Variants in THSD7A observed in about 807,000 individuals in gnomAD.
THSD7A encodes thrombospondin type-1 domain-containing protein 7A.
In THSD7A, 96 loss-of-function variants were observed where a neutral mutation model predicts 231.3. The ratio of observed to expected loss-of-function variants is 0.41; its 90% CI spans 0.35 to 0.49. The LOEUF (loss-of-function observed/expected upper bound fraction) is 0.49, where lower values mean the gene tolerates loss of function less well. Among genes scored for constraint, THSD7A ranks in the 20% least tolerant of loss-of-function variants. The pLI, the probability that THSD7A is intolerant of heterozygous loss-of-function variation, is 0.05. For missense variants in THSD7A, 2,290 were observed against 2,070.2 expected, an observed-to-expected ratio of 1.11 and a Z score of -2.06; for synonymous variants, 940 against 743.3, an observed-to-expected ratio of 1.26 and a Z score of -4.30.
At position 11,831,012 on chromosome 7, in the gene THSD7A, A is replaced by T. The variant is rs941638643; in HGVS notation, c.190+745T>A. Among the ~76,000 whole-genome samples, 29 of 151,992 alleles carry T rather than the reference A, an allele frequency of 1.9e-4. No individual in the cohort carries two copies. Among genetic ancestry groups the T allele is most frequent in the African/African-American group, 6.8e-4 (28 of 41,352 alleles). On this transcript the variant is annotated intron_variant, in intron 1 of 27. Coordinates refer to ENST00000423059, the MANE Select transcript of THSD7A (RefSeq NM_015204.3). This position sits in a 1 kb window ranked among gnomAD's most constrained non-coding sequence, Gnocchi z 5.0. ...GCAGAAAAGGGGTTGGTAATTCCTC[A>T]CTCCGTATTGTTTTCCTGCCTGTCA...
chr7:11,760,700 G>C (rs1391837327), intron 1 of THSD7A, among the ~76,000 whole-genome samples: 4 of 151,800 alleles, frequency 2.6e-5, no homozygotes, highest in African/African-American at 9.7e-5. Flanking sequence ...TTGTACCAGA[G>C]GCTTTAGCAC....
In THSD7A at chr7:11,652,103, G is replaced by A. The variant is rs191209617; in HGVS notation, c.191-15142C>T. ...TAACAAATGTGTCCATGGCTGTTAC[G>A]TTTCCTTTTTTATCAAAATTATTTA... is the stretch of plus-strand genomic sequence containing the variant. On this transcript the variant is annotated intron_variant, in intron 1 of 27. Coordinates refer to ENST00000423059, the MANE Select transcript of THSD7A (RefSeq NM_015204.3). Among the ~76,000 whole-genome samples the A allele has an allele frequency of 2.8e-3, 429 of 151,764 alleles. 6 individuals carry two copies. The highest frequency in any genetic ancestry group is 1.6e-3 in the East Asian group (8 of 5,128).
At chr7:11,653,453 T>TGG (rs923190537) in intron 1 of THSD7A, among the ~76,000 whole-genome samples, 1 of 93,740 alleles carries the variant, frequency 1.1e-5, no homozygotes, top group African/African-American at 4.9e-5. Flanking sequence ...CAGATATGTG[T>TGG]GTGTGTGTGT....
At chr7:11,603,214 G>A (rs1034562680) in intron 2 of THSD7A, among the ~76,000 whole-genome samples, 25 of 151,802 alleles carry the variant, frequency 1.6e-4, no homozygotes, top group South Asian at 4.2e-4. Context: ...AAAAGTGGGC[G>A]AAGGACATGA....
intron 1 of THSD7A, among the ~76,000 whole-genome samples, chr7:11,689,485 C>T (rs1780165179): frequency 6.6e-6 from 1 of 151,710 alleles, no homozygotes; most frequent in Non-Finnish European, 1.5e-5. Flanking sequence ...AAGAAAGAGT[C>T]CATACTCCTC....
At chr7:11,754,502 A>G (rs1782612606) in intron 1 of THSD7A, among the ~76,000 whole-genome samples, 1 of 152,066 alleles carries the variant, frequency 6.6e-6, no homozygotes, top group South Asian at 2.1e-4. Flanking sequence ...CTACCTGACC[A>G]CTTTTAGCAT....
rs146631743 is a variant in THSD7A at position 11,460,852 on chromosome 7, G to C, written c.2502-87C>G. 4.3e-3 allele frequency: 4,371 copies of C among 1,017,970 alleles called. 14 individuals carry two copies. Among genetic ancestry groups the C allele is most frequent in the Admixed American group, 5.6e-3 (270 of 48,260 alleles). 63.1% of individuals were successfully genotyped at this position (1,017,970 alleles called of 1,614,324 possible). On this transcript the variant is annotated intron_variant, in intron 10 of 27. Coordinates refer to ENST00000423059, the MANE Select transcript of THSD7A (RefSeq NM_015204.3). ...CACAGCAGCATGGAAACATGACTTTGACCACTGCAAACACAGTTATTTAGC... is the reference window on the plus strand; with the variant it reads ...CACAGCAGCATGGAAACATGACTTTCACCACTGCAAACACAGTTATTTAGC...
chr7:11,801,025 G>A (rs1307991240), intron 1 of THSD7A, among the ~76,000 whole-genome samples: 1 of 152,130 alleles, frequency 6.6e-6, no homozygotes, highest in African/African-American at 2.4e-5. Flanking sequence ...GTATTGGCCA[G>A]ATGTGATGGC....
At chr7:11,485,648 C>A (rs1786625466) in intron 6 of THSD7A, among the ~76,000 whole-genome samples, 1 of 152,118 alleles carries the variant, frequency 6.6e-6, no homozygotes, top group East Asian at 1.9e-4. Flanking sequence ...AATGAGTTTT[C>A]ACCAATACCC....
intron 9 of THSD7A, among the ~76,000 whole-genome samples, chr7:11,466,666 A>C (rs1785718592): frequency 6.6e-6 from 1 of 152,086 alleles, no homozygotes; most frequent in South Asian, 2.1e-4. Context: ...TGCCAAATAA[A>C]ACAGTCAGCA....
intron 1 of THSD7A, among the ~76,000 whole-genome samples, chr7:11,638,178 CA>C (rs1562430733): frequency 6.6e-6 from 1 of 152,148 alleles, no homozygotes; most frequent in Non-Finnish European, 1.5e-5. Context: ...ATTATGTCTG[CA>C]AGAGGTTTCT....
In THSD7A at chr7:11,591,663, T is replaced by C. The variant is rs559006526; in HGVS notation, c.1272-1022A>G. 1.1e-3 allele frequency among the ~76,000 whole-genome samples: 172 copies of C among 152,330 alleles called. 1 individual carries two copies. The highest frequency in any genetic ancestry group is 3.9e-3 in the African/African-American group (164 of 41,566). On this transcript the variant is annotated intron_variant, in intron 3 of 27. Transcript: ENST00000423059. ...TTTTTAAATTTTATAAGTGGGGATT[T>C]GTTGCTTAACGAATTGTGGGACTGG...
chr7:11,758,880 A>G (rs540171094), intron 1 of THSD7A, among the ~76,000 whole-genome samples: 1 of 152,186 alleles, frequency 6.6e-6, no homozygotes, highest in East Asian at 1.9e-4. Context: ...AGGACAAAAC[A>G]TATATGTAGC....
intron 1 of THSD7A, among the ~76,000 whole-genome samples, chr7:11,744,524 G>T (rs1782217486): frequency 6.6e-6 from 1 of 151,632 alleles, no homozygotes; most frequent in African/African-American, 2.4e-5. Context: ...CATGTGCCAT[G>T]TTGGTGTGCT....
chr7:11,468,374 G>A (rs185815491), intron 9 of THSD7A, among the ~76,000 whole-genome samples: 4 of 150,778 alleles, frequency 2.7e-5, no homozygotes, highest in East Asian at 1.9e-4. Flanking sequence ...AACTGTGACC[G>A]GTGTTATTCA....
At chr7:11,580,706 G>A (rs926331056) in intron 4 of THSD7A, among the ~76,000 whole-genome samples, 2 of 152,010 alleles carry the variant, frequency 1.3e-5, no homozygotes, top group Non-Finnish European at 2.9e-5. Context: ...CACATAGAGG[G>A]GAACAACACG....
intron 1 of THSD7A, among the ~76,000 whole-genome samples, chr7:11,672,490 C>T (rs1370079745): frequency 1.3e-5 from 2 of 150,334 alleles, no homozygotes; most frequent in African/African-American, 5.0e-5. Context: ...ATAATTATTA[C>T]TCATTCTATT....
intron 7 of THSD7A, among the ~76,000 whole-genome samples, chr7:11,480,343 G>T (rs1676325443): frequency 6.6e-6 from 1 of 152,092 alleles, no homozygotes; most frequent in Non-Finnish European, 1.5e-5. Flanking sequence ...GACTCGGGGT[G>T]GGGTGAAAAG....
chr7:11,666,786 C>T (rs182980594), intron 1 of THSD7A, among the ~76,000 whole-genome samples: 16 of 151,308 alleles, frequency 1.1e-4, no homozygotes, highest in East Asian at 9.8e-4. Context: ...CTTTTTTAAA[C>T]GTGGAGGCTG....
Sources: gnomAD v4.1 joint callset for allele counts (sites outside exome capture counted in the v4.1 genomes callset) on GRCh38, gnomAD v4.1.1 for gene constraint, Gnocchi (gnomAD v3.1) non-coding constraint, MANE v1.5 for transcripts, NCBI Gene and HGNC (gene_info 2026-07-23, HGNC 2026-07-21) for gene names.